GDPD5: variants seen among roughly 807,000 people sequenced by gnomAD.
GDPD5 encodes the protein glycerophosphodiester phosphodiesterase 2.
GDPD5 carries 48 observed loss-of-function variants against 75.1 expected under a neutral mutation model. That is an observed-to-expected ratio of 0.64 (90% CI 0.51 to 0.81). The LOEUF (loss-of-function observed/expected upper bound fraction) is 0.81, where lower values mean the gene tolerates loss of function less well. GDPD5 is among the 40% of genes least tolerant of loss of function. The probability of loss-of-function intolerance (pLI) is 0.00; values close to 1 mark genes in which losing one functional copy is unlikely to be tolerated. For missense variants in GDPD5, 706 were observed against 822.6 expected, an observed-to-expected ratio of 0.86 and a Z score of 1.73; for synonymous variants, 336 against 339.0, an observed-to-expected ratio of 0.99 and a Z score of 0.10.
At chr11:75,472,865 T>C (rs897179030) in intron 3 of GDPD5, among the ~76,000 whole-genome samples, 1 of 151,972 alleles carries the variant, frequency 6.6e-6, no homozygotes, top group Non-Finnish European at 1.5e-5. Flanking sequence ...CAGGTCAACC[T>C]GCTGTGGAAC....
At chr11:75,502,705 TTGAG>T (rs1395418021) in intron 1 of GDPD5, among the ~76,000 whole-genome samples, 1 of 152,194 alleles carries the variant, frequency 6.6e-6, no homozygotes, top group South Asian at 2.1e-4. Flanking sequence ...GGACAGGTCA[TTGAG>T]TGTGAAGCAG....
intron 6 of GDPD5, among the ~76,000 whole-genome samples, chr11:75,454,421 GCACTTGGCAAGGAGGC>G (rs1949241053): frequency 6.6e-6 from 1 of 152,230 alleles, no homozygotes; most frequent in Admixed American, 6.5e-5. Context: ...TGAATCGGAG[GCACTTGGCAAGGAGGC>G]CATTTGGCAA....
At chr11:75,441,518 C>G in intron 13 of GDPD5, 128 bp downstream of exon 13, 1 of 1,151,882 alleles carries the variant, frequency 8.7e-7, no homozygotes, top group Middle Eastern at 2.8e-4. Flanking sequence ...CCTGATTCCT[C>G]TGTGTGCCCA....
chr11:75,493,250 C>A (rs979752935), intron 1 of GDPD5, among the ~76,000 whole-genome samples: 1 of 151,748 alleles, frequency 6.6e-6, no homozygotes, highest in African/African-American at 2.4e-5. Flanking sequence ...CACACACACA[C>A]ACACACACAC....
intron 1 of GDPD5, among the ~76,000 whole-genome samples, chr11:75,497,693 C>A (rs1950236038): frequency 6.6e-6 from 1 of 152,192 alleles, no homozygotes; most frequent in Non-Finnish European, 1.5e-5. Flanking sequence ...AATGAGTTTG[C>A]AGCAGTGACT....
At chr11:75,506,086 C>T (rs1950391578) in intron 1 of GDPD5, among the ~76,000 whole-genome samples, 2 of 152,198 alleles carry the variant, frequency 1.3e-5, no homozygotes, top group Admixed American at 1.3e-4. Flanking sequence ...CCCAGAGCCC[C>T]TTGGGAGGGT....
chr11:75,441,562 GTGT>G, intron 13 of GDPD5, 81 bp downstream of exon 13: 1 of 1,269,028 alleles, frequency 7.9e-7, no homozygotes, highest in Non-Finnish European at 1.1e-6. Flanking sequence ...GTGTGTGTGT[GTGT>G]GTGTTGGGGG....
At chr11:75,478,880 A>G (rs910004479) in intron 2 of GDPD5, among the ~76,000 whole-genome samples, 1 of 152,232 alleles carries the variant, frequency 6.6e-6, no homozygotes, top group Non-Finnish European at 1.5e-5. Flanking sequence ...CTCAGAGAAC[A>G]AGGAGCAATG....
intron 2 of GDPD5, among the ~76,000 whole-genome samples, chr11:75,482,154 C>G (rs1231447277): frequency 6.6e-6 from 1 of 152,164 alleles, no homozygotes. Flanking sequence ...ACAACCCACC[C>G]AGGAATGGAA....
chr11:75,457,872 G>C, intron 4 of GDPD5, 86 bp from the exon 5 acceptor site: 1 of 1,005,642 alleles, frequency 9.9e-7, no homozygotes, highest in East Asian at 2.5e-5. Context: ...CCTCCACACA[G>C]ACGACAGGCT....
chr11:75,520,602 G>C (rs2135514991), intron 1 of GDPD5, among the ~76,000 whole-genome samples: 1 of 152,330 alleles, frequency 6.6e-6, no homozygotes, highest in East Asian at 1.9e-4. Context: ...ATCAGCAGCA[G>C]AGGAGGCTTG....
chr11:75,470,203 G>C (rs1463924594), intron 3 of GDPD5, among the ~76,000 whole-genome samples: 1 of 152,200 alleles, frequency 6.6e-6, no homozygotes, highest in East Asian at 1.9e-4. Flanking sequence ...AGGAGCAGAG[G>C]GCGTGAAGGC....
intron 3 of GDPD5, among the ~76,000 whole-genome samples, chr11:75,468,676 G>A (rs1949581661): frequency 6.7e-6 from 1 of 149,666 alleles, no homozygotes; most frequent in African/African-American, 2.4e-5. Flanking sequence ...GCCCTCCCCC[G>A]ACGCCCCCCC....
intron 1 of GDPD5, among the ~76,000 whole-genome samples, chr11:75,518,570 G>C (rs1481791195): frequency 6.6e-6 from 1 of 152,170 alleles, no homozygotes; most frequent in Non-Finnish European, 1.5e-5. Flanking sequence ...GAAAGCCATG[G>C]GCTTGGATGC....
At chr11:75,508,613 CT>C (rs1403093647) in intron 1 of GDPD5, among the ~76,000 whole-genome samples, 1 of 152,148 alleles carries the variant, frequency 6.6e-6, no homozygotes, top group Non-Finnish European at 1.5e-5. Context: ...TCACTGGGAT[CT>C]TATAAAAATA....
chr11:75,466,164 G>T (rs1480882366), intron 3 of GDPD5, among the ~76,000 whole-genome samples: 1 of 152,210 alleles, frequency 6.6e-6, no homozygotes, highest in African/African-American at 2.4e-5. Flanking sequence ...GCAACAAGGA[G>T]CCAGGAACCC....
chr11:75,506,188 C>T (rs1950393938), intron 1 of GDPD5, among the ~76,000 whole-genome samples: 2 of 152,204 alleles, frequency 1.3e-5, no homozygotes. Flanking sequence ...CTCTCCTTTC[C>T]AGACAAAGAC....
At chr11:75,437,281 A>G (rs1948651848) in intron 15 of GDPD5, 1 of 548,676 alleles carries the variant, frequency 1.8e-6, no homozygotes, top group South Asian at 2.3e-5. Context: ...GCCGCCAGTC[A>G]GCAGCCCTGG....
In GDPD5 at chr11:75,435,683, G is replaced by C. The variant is rs529675945; in HGVS notation, c.1670-28C>G. ...GCTGGGCCAGAGGGAGACAGAATGT[G>C]AGTCGGGGAGGAGGCAGTCGTGAGG... On this transcript the variant is annotated intron_variant, in intron 16 of 16. Coordinates refer to ENST00000336898, the MANE Select transcript of GDPD5 (RefSeq NM_030792.8). 5 of 1,570,630 alleles carry C rather than the reference G, an allele frequency of 3.2e-6. No individual in the cohort carries two copies. In the African/African-American group the frequency reaches 5.4e-5, roughly 17 times the overall value.
Sources: allele counts gnomAD v4.1 joint callset (sites outside exome capture counted in the v4.1 genomes callset), GRCh38; gene constraint gnomAD v4.1.1; transcripts MANE v1.5; gene names NCBI Gene and HGNC (gene_info 2026-07-23, HGNC 2026-07-21).